Variants in UBE2E2 observed in about 807,000 individuals in gnomAD.
UBE2E2 encodes the protein ubiquitin-conjugating enzyme E2 E2.
A neutral mutation model predicts 24.7 loss-of-function variants in UBE2E2; 6 were observed. The observed-to-expected ratio is 0.24, with a 90% confidence interval of 0.13 to 0.48. The LOEUF (loss-of-function observed/expected upper bound fraction) is 0.48, where lower values mean the gene tolerates loss of function less well. Among genes scored for constraint, UBE2E2 ranks in the 20% least tolerant of loss-of-function variants. The probability of loss-of-function intolerance (pLI) is 0.99; values close to 1 mark genes in which losing one functional copy is unlikely to be tolerated. For synonymous variants in UBE2E2, 104 were observed against 83.6 expected (o/e 1.24, Z -1.33); for missense variants, 169 against 245.0 (o/e 0.69, Z 2.07).
chr3:23,383,975 C>A (rs538397507), intron 3 of UBE2E2, among the ~76,000 whole-genome samples: 2 of 150,850 alleles, frequency 1.3e-5, no homozygotes, highest in African/African-American at 4.9e-5. Flanking sequence ...AAGCCCTTAA[C>A]GTGCTCAAAG....
At chr3:23,301,582 G>C (rs987840557) in intron 3 of UBE2E2, among the ~76,000 whole-genome samples, 1 of 152,186 alleles carries the variant, frequency 6.6e-6, no homozygotes, top group African/African-American at 2.4e-5. Context: ...CAGCAGCAGT[G>C]GCTGCAGAAC....
Position 23,469,733 on chromosome 3 carries a change from T to C in UBE2E2, c.228-29875T>C, listed in dbSNP as rs116700276. Among the ~76,000 whole-genome samples the C allele has an allele frequency of 5.1e-3, 784 of 152,318 alleles. 6 individuals are homozygous for C. The highest frequency in any genetic ancestry group is 0.018 in the African/African-American group (746 of 41,572). ...TGATTAAACAAGTTCAAAGAGAATA[T>C]AACATTGATTCACTGCATTTCTCAG... On this transcript the variant is annotated intron_variant, in intron 3 of 5. Coordinates refer to ENST00000396703, the MANE Select transcript of UBE2E2 (RefSeq NM_152653.4).
At chr3:23,242,155 CTTGACCTCCCAAATGATCCTCCTGCT>C (rs1179204882) in intron 3 of UBE2E2, among the ~76,000 whole-genome samples, 5 of 152,072 alleles carry the variant, frequency 3.3e-5, no homozygotes, top group African/African-American at 1.2e-4. Flanking sequence ...GACCTCCTGC[CTTGACCTCCCAAATGATCCTCCTGCT>C]TTGACCTCCC....
intron 5 of UBE2E2, among the ~76,000 whole-genome samples, chr3:23,588,402 GTTTTTTTGT>G (rs1347071795): frequency 3.6e-4 from 40 of 110,072 alleles, no homozygotes; most frequent in African/African-American, 1.4e-3. Flanking sequence ...TTGTTTTTTT[GTTTTTTTGT>G]TTTTTTTTTT....
chr3:23,471,216 A>C (rs901826813), intron 3 of UBE2E2, among the ~76,000 whole-genome samples: 15 of 152,214 alleles, frequency 9.9e-5, no homozygotes, highest in Non-Finnish European at 1.5e-5. Flanking sequence ...AATTATTTTA[A>C]ATTTAAAAGT....
rs543193186 is a variant in UBE2E2, at chr3:23,318,450, A to T, written c.227+101138A>T. Among the ~76,000 whole-genome samples, 3 of 152,330 alleles carry T rather than the reference A, an allele frequency of 2.0e-5. No individual in the cohort carries two copies. In the South Asian group the frequency reaches 6.2e-4, roughly 32 times the overall value. The stretch of plus-strand genomic sequence containing the variant: ...TAACTTGAAAGTGTTTATTAGAGAA[A>T]CAATGTATTGGTCCATTTTCATGTT... On this transcript the variant is annotated intron_variant, in intron 3 of 5. Transcript: ENST00000396703.
intron 3 of UBE2E2, among the ~76,000 whole-genome samples, chr3:23,320,118 A>T (rs753667113): frequency 6.6e-6 from 1 of 152,172 alleles, no homozygotes; most frequent in Non-Finnish European, 1.5e-5. Flanking sequence ...GTGTAAAGGT[A>T]CCCATGTAGA....
At chr3:23,296,502 C>A (rs1333236047) in intron 3 of UBE2E2, among the ~76,000 whole-genome samples, 4 of 152,134 alleles carry the variant, frequency 2.6e-5, no homozygotes, top group Non-Finnish European at 4.4e-5. Flanking sequence ...TGTTCCCCTT[C>A]CTGTGCCCAT....
At chr3:23,514,975 G>T (rs2125469078) in intron 4 of UBE2E2, among the ~76,000 whole-genome samples, 1 of 152,276 alleles carries the variant, frequency 6.6e-6, no homozygotes, top group East Asian at 1.9e-4. Context: ...TCCTTTGGAA[G>T]ACCAAATAGC....
chr3:23,570,946 C>T (rs1005874012), intron 5 of UBE2E2, among the ~76,000 whole-genome samples: 1 of 152,088 alleles, frequency 6.6e-6, no homozygotes, highest in African/African-American at 2.4e-5. Context: ...AGACAGTCAA[C>T]AATAAATCAA....
chr3:23,385,976 AT>A (rs750575021), intron 3 of UBE2E2, among the ~76,000 whole-genome samples: 2 of 152,210 alleles, frequency 1.3e-5, no homozygotes, highest in Non-Finnish European at 2.9e-5. Context: ...AACAAACTAA[AT>A]TTTTTCAACT....
At chr3:23,358,184 ATATT>A (rs1256269389) in intron 3 of UBE2E2, among the ~76,000 whole-genome samples, 3 of 152,200 alleles carry the variant, frequency 2.0e-5, no homozygotes, top group Admixed American at 6.5e-5. Flanking sequence ...ACTTGAAAAA[ATATT>A]TATATGTACT....
intron 3 of UBE2E2, among the ~76,000 whole-genome samples, chr3:23,427,661 G>T (rs2125397362): frequency 6.6e-6 from 1 of 152,286 alleles, no homozygotes; most frequent in African/African-American, 2.4e-5. Flanking sequence ...ACTTTATGTT[G>T]TCTATAAGAA....
In UBE2E2 at chr3:23,545,595, C is replaced by T. The variant is rs533979294; in HGVS notation, c.508+12894C>T. Among the ~76,000 whole-genome samples the T allele has an allele frequency of 1.8e-3, 273 of 152,240 alleles. 2 individuals carry two copies. Among genetic ancestry groups the T allele is most frequent in the Non-Finnish European group, 3.1e-3 (211 of 68,018 alleles). On this transcript the variant is annotated intron_variant, in intron 5 of 5. Coordinates refer to ENST00000396703, the MANE Select transcript of UBE2E2 (RefSeq NM_152653.4). ...ATGTCTACTTCTTTCTACACAGACA[C>T]AGTAACAATCTGATCTTTCTTTTCC...
Position 23,353,816 on chromosome 3 carries a change from G to A in UBE2E2, c.227+136504G>A, listed in dbSNP as rs1392130895. Reference sequence around the variant, plus strand: ...CGTGAAAATGGCCATACTGTCCAAGGTAATTTATAGATTCAATGCCATCCC... The same window carrying A: ...CGTGAAAATGGCCATACTGTCCAAGATAATTTATAGATTCAATGCCATCCC... On this transcript the variant is annotated intron_variant, in intron 3 of 5. Transcript: ENST00000396703. 4.4e-5 allele frequency among the ~76,000 whole-genome samples: 6 copies of A among 137,158 alleles called. No homozygotes were observed. In the Middle Eastern group the frequency reaches 0.011, roughly 258 times the overall value. The allele number at this position is 137,158 out of a possible 152,430, so 90.0% of individuals were successfully genotyped here.
intron 3 of UBE2E2, among the ~76,000 whole-genome samples, chr3:23,457,186 GA>G (rs959327459): frequency 6.6e-6 from 1 of 152,184 alleles, no homozygotes; most frequent in Admixed American, 6.5e-5. Flanking sequence ...TGCGTGTATA[GA>G]AAATGGGGGC....
intron 3 of UBE2E2, among the ~76,000 whole-genome samples, chr3:23,301,640 G>C (rs534863762): frequency 2.2e-4 from 34 of 152,308 alleles, no homozygotes; most frequent in African/African-American, 7.9e-4. Flanking sequence ...CGTTCCTCTG[G>C]AAGTTTTGTC....
intron 1 of UBE2E2, among the ~76,000 whole-genome samples, chr3:23,208,158 C>T (rs942269525): frequency 1.3e-5 from 2 of 152,022 alleles, no homozygotes; most frequent in African/African-American, 2.4e-5. Context: ...CTGGTGCTCC[C>T]TGAGCTTCCC....
rs1402827481 is a variant in UBE2E2 at position 23,205,446 on chromosome 3, C to T, written c.-9+1982C>T. Among the ~76,000 whole-genome samples the T allele has an allele frequency of 2.0e-5, 3 of 152,244 alleles. No homozygotes were observed. The East Asian group carries it at 5.8e-4, about 29-fold the overall frequency. On this transcript the variant is annotated intron_variant, in intron 1 of 5. Transcript: ENST00000396703. ...CAAGACATCAAGTTTACACTTACGACTAATTAAATTGATTCATAGACTACT... is the reference window on the plus strand; with the variant it reads ...CAAGACATCAAGTTTACACTTACGATTAATTAAATTGATTCATAGACTACT...
Sources: gnomAD v4.1 joint callset for allele counts (sites outside exome capture counted in the v4.1 genomes callset) on GRCh38, gnomAD v4.1.1 for gene constraint, MANE v1.5 for transcripts, NCBI Gene and HGNC (gene_info 2026-07-23, HGNC 2026-07-21) for gene names.